FAM13C: variants seen among roughly 807,000 people sequenced by gnomAD.
FAM13C encodes the protein protein FAM13C.
A neutral mutation model predicts 73.2 loss-of-function variants in FAM13C; 37 were observed. The ratio of observed to expected loss-of-function variants is 0.51; its 90% confidence interval spans 0.39 to 0.67. The LOEUF is 0.67. Among genes scored for constraint, FAM13C ranks in the 30% least tolerant of loss-of-function variants. The probability of loss-of-function intolerance (pLI) is 0.00; values close to 1 mark genes in which losing one functional copy is unlikely to be tolerated. For missense variants in FAM13C, 589 were observed against 715.6 expected, an observed-to-expected ratio of 0.82 and a Z score of 2.02; for synonymous variants, 246 against 260.9, an observed-to-expected ratio of 0.94 and a Z score of 0.55.
chr10:59,262,403 G>A (rs758649167), intron 10 of FAM13C, 31 bp downstream of exon 10: 5 of 1,586,404 alleles, frequency 3.2e-6, no homozygotes, highest in Admixed American at 1.7e-5. Flanking sequence ...GACTACAGGG[G>A]CCCTCTATAT....
At chr10:59,261,264 T>C (rs188751106) in intron 10 of FAM13C, among the ~76,000 whole-genome samples, 8 of 152,212 alleles carry the variant, frequency 5.3e-5, no homozygotes, top group Admixed American at 2.6e-4. Context: ...CCTCACAACA[T>C]GTATTTGTTG....
intron 13 of FAM13C, among the ~76,000 whole-genome samples, chr10:59,249,304 T>C (rs1179186162): frequency 1.1e-5 from 1 of 88,098 alleles, no homozygotes; most frequent in African/African-American, 3.2e-5. Flanking sequence ...CTTGGGAGGC[T>C]GAGGCAGGAG....
At chr10:59,354,924 C>A (rs1855524846) in intron 2 of FAM13C, among the ~76,000 whole-genome samples, 1 of 151,898 alleles carries the variant, frequency 6.6e-6, no homozygotes, top group South Asian at 2.1e-4. Context: ...TCTCTCTACC[C>A]TCTATTGGCT....
At chr10:59,273,828 C>T (rs919872614) in intron 6 of FAM13C, among the ~76,000 whole-genome samples, 1 of 152,100 alleles carries the variant, frequency 6.6e-6, no homozygotes, top group Non-Finnish European at 1.5e-5. Context: ...CAAGCAGAAG[C>T]AAATGCTACA....
chr10:59,250,156 C>G (rs1841227925), intron 13 of FAM13C, among the ~76,000 whole-genome samples: 1 of 152,046 alleles, frequency 6.6e-6, no homozygotes, highest in Non-Finnish European at 1.5e-5. Flanking sequence ...CATAGAATAC[C>G]TTTAATCCAA....
chr10:59,352,252 A>G lies in FAM13C; in HGVS notation c.324+18T>C. ...AATCACCCGTCTTGGCAAAAGCCTG[A>G]GAAGAGAGAGCTGCTACCTGACTTT... is the stretch of plus-strand genomic sequence containing the variant. On this transcript the variant is annotated intron_variant, in intron 3 of 13. Coordinates refer to ENST00000618804, the MANE Select transcript of FAM13C (RefSeq NM_198215.4). 6.2e-7 allele frequency: 1 copy of G among 1,612,830 alleles called. No individual in the cohort carries two copies. Among genetic ancestry groups the G allele is most frequent in the African/African-American group, 1.3e-5 (1 of 74,996 alleles).
At chr10:59,269,608 T>C (rs757200075) in intron 7 of FAM13C, among the ~76,000 whole-genome samples, 2 of 152,222 alleles carry the variant, frequency 1.3e-5, no homozygotes, top group Non-Finnish European at 2.9e-5. Context: ...ATGTCTGATA[T>C]GTGCATGTAC....
intron 2 of FAM13C, among the ~76,000 whole-genome samples, chr10:59,354,002 T>C (rs1263019847): frequency 1.3e-5 from 2 of 152,184 alleles, no homozygotes; most frequent in African/African-American, 4.8e-5. Flanking sequence ...TTGAAGTACA[T>C]TTTTCTCACT....
upstream of FAM13C, chr10:59,362,564 C>T (rs1339644977): frequency 5.2e-6 from 8 of 1,549,924 alleles, no homozygotes; most frequent in Admixed American, 2.0e-5. Flanking sequence ...TCGCCCGGCA[C>T]GCTCGCTCTA....
At chr10:59,252,105 T>C (rs767433372) in intron 12 of FAM13C, among the ~76,000 whole-genome samples, 4 of 152,146 alleles carry the variant, frequency 2.6e-5, no homozygotes, top group Non-Finnish European at 5.9e-5. Context: ...ATTGGGAGAA[T>C]AGCAAAACCC....
chr10:59,322,845 T>C (rs1222341356), intron 4 of FAM13C, among the ~76,000 whole-genome samples: 1 of 152,144 alleles, frequency 6.6e-6, no homozygotes, highest in Non-Finnish European at 1.5e-5. Flanking sequence ...AGGGAGAATG[T>C]CCTGATTACT....
At position 59,270,115 on chromosome 10, in the gene FAM13C, C is replaced by A. The variant is rs1771348488; in HGVS notation, c.593-6G>T. 1.2e-6 allele frequency: 2 copies of A among 1,610,608 alleles called. No individual in the cohort carries two copies. The highest frequency in any genetic ancestry group is 1.7e-5 in the Admixed American group (1 of 59,928). ...TTTGTGGACTGGTGAGGGGTCTGGG[C>A]AAATGAGACAAATCATCAAGACTTA... On this transcript the variant is annotated splice_region_variant and splice_polypyrimidine_tract_variant and intron_variant, in intron 6 of 13. Transcript: ENST00000618804.
intron 11 of FAM13C, among the ~76,000 whole-genome samples, chr10:59,253,344 A>C (rs574250924): frequency 8.5e-4 from 129 of 152,322 alleles, no homozygotes; most frequent in African/African-American, 3.0e-3. Context: ...TCTGGGCTCC[A>C]GCTTAATACT....
intron 13 of FAM13C, among the ~76,000 whole-genome samples, chr10:59,249,471 C>T (rs1215016959): frequency 6.6e-6 from 1 of 150,740 alleles, no homozygotes; most frequent in African/African-American, 2.4e-5. Context: ...CAAGTCTTTC[C>T]TGAAGGAGTT....
intron 5 of FAM13C, among the ~76,000 whole-genome samples, chr10:59,300,206 A>G (rs1847426381): frequency 6.6e-6 from 1 of 152,246 alleles, no homozygotes; most frequent in Non-Finnish European, 1.5e-5. Context: ...CAAGTGGACA[A>G]AGAAGTACAA....
chr10:59,329,141 T>C (rs185622328), intron 3 of FAM13C, among the ~76,000 whole-genome samples: 1 of 152,262 alleles, frequency 6.6e-6, no homozygotes, highest in East Asian at 1.9e-4. Flanking sequence ...TAAAATTTTC[T>C]GGCCCTTTAA....
At chr10:59,355,628 A>G (rs933989905) in intron 2 of FAM13C, among the ~76,000 whole-genome samples, 1 of 152,200 alleles carries the variant, frequency 6.6e-6, no homozygotes, top group Admixed American at 6.5e-5. Context: ...GAATATTGAG[A>G]TAGGCTAATC....
At chr10:59,335,565 C>G (rs1016746615) in intron 3 of FAM13C, among the ~76,000 whole-genome samples, 5 of 152,188 alleles carry the variant, frequency 3.3e-5, no homozygotes, top group African/African-American at 1.2e-4. Context: ...CTTCAAGATA[C>G]AGGAAATCCC....
At chr10:59,341,475 G>T (rs1427698966) in intron 3 of FAM13C, among the ~76,000 whole-genome samples, 2 of 152,092 alleles carry the variant, frequency 1.3e-5, no homozygotes, top group African/African-American at 4.8e-5. Flanking sequence ...GTCACCTGAG[G>T]TCGGGAGCTC....
Sources: gnomAD v4.1 joint callset for allele counts (sites outside exome capture counted in the v4.1 genomes callset) on GRCh38, gnomAD v4.1.1 for gene constraint, MANE v1.5 for transcripts, NCBI Gene and HGNC (gene_info 2026-07-23, HGNC 2026-07-21) for gene names.